The following GRIA4 variants were observed in gnomAD, a reference collection of about 807,000 sequenced individuals.
GRIA4 encodes the protein glutamate receptor 4.
Under a neutral mutation model 104.0 loss-of-function variants are expected in GRIA4, and 34 were observed. The ratio of observed to expected loss-of-function variants is 0.33; its 90% CI spans 0.25 to 0.44. The LOEUF (loss-of-function observed/expected upper bound fraction) is 0.44, where lower values mean the gene tolerates loss of function less well. GRIA4 is among the 20% of genes least tolerant of loss of function. GRIA4 has a pLI of 1.00. For synonymous variants in GRIA4, 386 were observed against 381.9 expected (o/e 1.01, Z -0.13); for missense variants, 750 against 1,096.5 (o/e 0.68, Z 4.46).
chr11:105,774,222 A>C (rs908624558), intron 4 of GRIA4, among the ~76,000 whole-genome samples: 25 of 151,496 alleles, frequency 1.7e-4, no homozygotes, highest in Non-Finnish European at 3.4e-4. Context: ...AAAGAGCTTG[A>C]GGCAAAGAGG....
intron 4 of GRIA4, among the ~76,000 whole-genome samples, chr11:105,796,413 C>T (rs1942481602): frequency 6.6e-6 from 1 of 152,170 alleles, no homozygotes; most frequent in African/African-American, 2.4e-5. Context: ...ACCATGTGAG[C>T]TGGCCTCTCA....
chr11:105,820,686 C>T (rs1943545023), intron 4 of GRIA4, among the ~76,000 whole-genome samples: 1 of 151,786 alleles, frequency 6.6e-6, no homozygotes, highest in Admixed American at 6.6e-5. Flanking sequence ...TTTATTATTC[C>T]ATTTATCTCT....
chr11:105,775,849 T>A (rs1383665011), intron 4 of GRIA4, among the ~76,000 whole-genome samples: 1 of 152,038 alleles, frequency 6.6e-6, no homozygotes, highest in Non-Finnish European at 1.5e-5. Context: ...TCATCAATGG[T>A]GACATTAATT....
chr11:105,947,879 A>T (rs1417052009), intron 14 of GRIA4, among the ~76,000 whole-genome samples: 1 of 152,226 alleles, frequency 6.6e-6, no homozygotes, highest in African/African-American at 2.4e-5. Flanking sequence ...AAATATGACT[A>T]TAAGCCCTGT....
chr11:105,823,490 AG>A (rs1274276772), intron 4 of GRIA4, among the ~76,000 whole-genome samples: 1 of 152,118 alleles, frequency 6.6e-6, no homozygotes, highest in Non-Finnish European at 1.5e-5. Flanking sequence ...CCAAGAAAGC[AG>A]GTGGTGGAAA....
intron 4 of GRIA4, among the ~76,000 whole-genome samples, chr11:105,852,487 C>T (rs1304752645): frequency 2.0e-5 from 3 of 152,130 alleles, no homozygotes; most frequent in African/African-American, 7.2e-5. Context: ...CTCAGAACCA[C>T]AGAGTTGAAA....
chr11:105,881,771 G>C (rs1048598242), intron 5 of GRIA4, among the ~76,000 whole-genome samples: 6 of 151,968 alleles, frequency 3.9e-5, no homozygotes, highest in African/African-American at 9.7e-5. Flanking sequence ...ACGTGCATTG[G>C]TGTATCATTT....
chr11:105,952,594 T>G (rs900753440), intron 14 of GRIA4, among the ~76,000 whole-genome samples: 1 of 152,178 alleles, frequency 6.6e-6, no homozygotes. Context: ...AAATTAATCA[T>G]GCAAATTCCA....
chr11:105,621,717 A>C (rs1381600210), intron 3 of GRIA4, among the ~76,000 whole-genome samples: 2 of 151,856 alleles, frequency 1.3e-5, no homozygotes, highest in Non-Finnish European at 2.9e-5. Flanking sequence ...CTGCAAGATC[A>C]GTTCCTGGAG....
At chr11:105,639,642 A>G (rs1197487116) in intron 3 of GRIA4, among the ~76,000 whole-genome samples, 2 of 152,176 alleles carry the variant, frequency 1.3e-5, no homozygotes, top group Non-Finnish European at 2.9e-5. Flanking sequence ...CATTAAAATA[A>G]AACCATGATC....
chr11:105,661,168 C>A (rs1260740285), intron 3 of GRIA4, among the ~76,000 whole-genome samples: 1 of 151,220 alleles, frequency 6.6e-6, no homozygotes, highest in Non-Finnish European at 1.5e-5. Flanking sequence ...TCAATAGATA[C>A]CTTAGAAAGA....
intron 3 of GRIA4, chr11:105,612,816 T>G: frequency 6.0e-6 from 1 of 165,590 alleles, no homozygotes; most frequent in Non-Finnish European, 1.3e-5. Flanking sequence ...CTTTGGTTTT[T>G]CTTATTTGCT....
intron 3 of GRIA4, among the ~76,000 whole-genome samples, chr11:105,677,437 T>C (rs1482030505): frequency 1.3e-5 from 2 of 151,840 alleles, no homozygotes; most frequent in Non-Finnish European, 2.9e-5. Flanking sequence ...TAATAAAATA[T>C]CAGCAAATTA....
Position 105,981,877 on chromosome 11 carries a change from G to C in GRIA4, c.*2138G>C, listed in dbSNP as rs925774062. ...ATGGCTATCCACCACCCCCCTGCCTGTGAGACTGAGTTAGGTGCCCTTTTT... is the reference window on the plus strand; with the variant it reads ...ATGGCTATCCACCACCCCCCTGCCTCTGAGACTGAGTTAGGTGCCCTTTTT... On this transcript the variant is annotated 3_prime_UTR_variant, in exon 17 of 17. Coordinates refer to ENST00000282499, the MANE Select transcript of GRIA4 (RefSeq NM_000829.4). The C allele has an allele frequency of 2.6e-5, 4 of 152,714 alleles. No homozygotes were observed. 9.5% of individuals were successfully genotyped at this position (152,714 alleles called of 1,614,324 possible).
At chr11:105,835,402 T>C (rs1944140242) in intron 4 of GRIA4, among the ~76,000 whole-genome samples, 1 of 152,048 alleles carries the variant, frequency 6.6e-6, no homozygotes, top group African/African-American at 2.4e-5. Context: ...ATATGATTTA[T>C]ATTTAAACAA....
chr11:105,659,396 T>C (rs756191575), intron 3 of GRIA4, among the ~76,000 whole-genome samples: 1 of 151,974 alleles, frequency 6.6e-6, no homozygotes, highest in Non-Finnish European at 1.5e-5. Flanking sequence ...GAAGAAAACA[T>C]TATTTTCCTT....
At chr11:105,835,058 G>C (rs112680846) in intron 4 of GRIA4, among the ~76,000 whole-genome samples, 1 of 151,892 alleles carries the variant, frequency 6.6e-6, no homozygotes, top group Non-Finnish European at 1.5e-5. Flanking sequence ...TGAATATTAA[G>C]TTGAAATTCC....
intron 7 of GRIA4, among the ~76,000 whole-genome samples, chr11:105,898,823 G>T (rs1946754470): frequency 6.6e-6 from 1 of 151,298 alleles, no homozygotes; most frequent in East Asian, 1.9e-4. Flanking sequence ...AAATATACAA[G>T]CTTCTGCAAA....
chr11:105,644,330 C>T (rs1482522875), intron 3 of GRIA4, among the ~76,000 whole-genome samples: 1 of 151,796 alleles, frequency 6.6e-6, no homozygotes, highest in African/African-American at 2.4e-5. Flanking sequence ...CTTTGGCTCG[C>T]GCCTGTAATC....
Sources: gnomAD v4.1 joint callset for allele counts (sites outside exome capture counted in the v4.1 genomes callset) on GRCh38, gnomAD v4.1.1 for gene constraint, MANE v1.5 for transcripts, NCBI Gene and HGNC (gene_info 2026-07-23, HGNC 2026-07-21) for gene names.